DNAJA3: variants seen among roughly 807,000 people sequenced by gnomAD.
The protein encoded by DNAJA3 is dnaJ homolog subfamily A member 3, mitochondrial.
A neutral mutation model predicts 54.9 loss-of-function variants in DNAJA3; 29 were observed. The ratio of observed to expected loss-of-function variants is 0.53; its 90% CI spans 0.39 to 0.72. DNAJA3 has a LOEUF of 0.72. Ranked by LOEUF, DNAJA3 falls within the 30% of genes least tolerant of loss-of-function variation. DNAJA3 has a pLI of 0.00. For synonymous variants in DNAJA3, 302 were observed against 251.4 expected (o/e 1.20, Z -1.90); for missense variants, 708 against 639.4 (o/e 1.11, Z -1.16).
chr16:4,450,246 C>A, intron 9 of DNAJA3, 154 bp from the exon 10 acceptor site: 1 of 587,970 alleles, frequency 1.7e-6, no homozygotes, highest in East Asian at 2.8e-5. Flanking sequence ...GGGCATGGTC[C>A]TTAGGTTCTC....
At chr16:4,441,611 A>T (rs965202885) in intron 4 of DNAJA3, 36 bp downstream of exon 4, 29 of 1,608,136 alleles carry the variant, frequency 1.8e-5, no homozygotes, top group Non-Finnish European at 2.5e-5. Flanking sequence ...TTCAAATTTT[A>T]GACTAAGTAT....
chr16:4,454,668 T>C (rs1211711491), intron 10 of DNAJA3, 143 bp from the exon 11 acceptor site: 16 of 614,740 alleles, frequency 2.6e-5, no homozygotes, highest in Non-Finnish European at 4.3e-5. Flanking sequence ...ATCTTAGGAG[T>C]GGCCCCCACT....
intron 8 of DNAJA3, 76 bp downstream of exon 8, chr16:4,447,090 G>T: frequency 1.3e-6 from 2 of 1,544,540 alleles, no homozygotes; most frequent in African/African-American, 1.4e-5. Context: ...GAACTGACCA[G>T]TGGCCTGGAA....
At chr16:4,452,067 C>G (rs1017995388) in intron 10 of DNAJA3, among the ~76,000 whole-genome samples, 1 of 151,996 alleles carries the variant, frequency 6.6e-6, no homozygotes, top group Non-Finnish European at 1.5e-5. Flanking sequence ...GAGACTCTGT[C>G]TCAAAAAAAC....
At chr16:4,430,020 C>G (rs575141510) in intron 1 of DNAJA3, among the ~76,000 whole-genome samples, 64 of 151,434 alleles carry the variant, frequency 4.2e-4, no homozygotes, top group African/African-American at 1.5e-3. Flanking sequence ...ATAAAGTCAT[C>G]AACTGAGAAG....
chr16:4,434,038 A>T (rs1484464220), intron 1 of DNAJA3: 1 of 281,312 alleles, frequency 3.6e-6, no homozygotes, highest in Non-Finnish European at 6.8e-6. Flanking sequence ...GGCCTCAGCG[A>T]TCGTGGCGGA....
At chr16:4,442,596 T>G in intron 5 of DNAJA3, 176 bp downstream of exon 5, 1 of 719,106 alleles carries the variant, frequency 1.4e-6, no homozygotes, top group Non-Finnish European at 2.1e-6. Context: ...CTTTCCCTGA[T>G]ACCACAGGCT....
rs973533105 is a variant in DNAJA3, at chr16:4,426,070, G to A, written c.189G>A (p.Leu63=). ...TSCGPRALLT[L]RPGVSLTGTK... ...GCGGCCCCCGAGCGCTGCTGACATT[G>A]AGACCTGGTGTCAGCCTTACAGGTG... Residue 63 remains leucine, a synonymous_variant, in exon 1 of 12, where the codon TTG becomes TTA. Coordinates refer to ENST00000262375, the MANE Select transcript of DNAJA3 (RefSeq NM_005147.6). The A allele has an allele frequency of 1.0e-5, 16 of 1,600,170 alleles. No homozygotes were observed. The highest frequency in any genetic ancestry group is 1.1e-5 in the Non-Finnish European group (13 of 1,173,816).
rs955089910 is a variant in DNAJA3 at position 4,455,396 on chromosome 16, C to T, written c.*14-150C>T. The T allele has an allele frequency of 8.1e-5, 67 of 830,506 alleles. 2 individuals carry two copies. In the South Asian group the frequency reaches 9.3e-4, roughly 12 times the overall value. The allele number at this position is 830,506 out of a possible 1,614,324, so 51.4% of individuals were successfully genotyped here. On this transcript the variant is annotated intron_variant, in intron 11 of 11. Coordinates refer to ENST00000262375, the MANE Select transcript of DNAJA3 (RefSeq NM_005147.6). ...CTTGCTCGCCGTGTCATCTTGGGAC[C>T]CACTTTGGTTTATTATGCTCATCTC...
intron 10 of DNAJA3, among the ~76,000 whole-genome samples, chr16:4,454,536 T>C (rs973229660): frequency 6.6e-6 from 1 of 152,248 alleles, no homozygotes; most frequent in African/African-American, 2.4e-5. Context: ...ACAGCTGTCA[T>C]AGTCCGTCTC....
intron 1 of DNAJA3, among the ~76,000 whole-genome samples, chr16:4,431,367 T>C (rs2141370380): frequency 6.6e-6 from 1 of 152,352 alleles, no homozygotes; most frequent in East Asian, 1.9e-4. Flanking sequence ...CCCCTACTAC[T>C]TCCAGTGTGC....
intron 8 of DNAJA3, chr16:4,447,237 C>G: frequency 3.6e-6 from 2 of 553,518 alleles, no homozygotes; most frequent in Non-Finnish European, 6.4e-6. Context: ...GCTGGCATCA[C>G]TCCCACACTG....
Position 4,442,448 on chromosome 16 carries a change from C to G in DNAJA3, c.783+28C>G, listed in dbSNP as rs751071079. The G allele has an allele frequency of 1.9e-6, 3 of 1,554,354 alleles. No individual in the cohort carries two copies. In the Admixed American group the frequency reaches 5.7e-5, roughly 29 times the overall value. On this transcript the variant is annotated intron_variant, in intron 5 of 11. Coordinates refer to ENST00000262375, the MANE Select transcript of DNAJA3 (RefSeq NM_005147.6). ...AAGGCTCTGCCCGAGACTCCACCTC[C>G]CACGGCTTGCACCACTGACTGAGAA...
At chr16:4,443,383 C>A (rs1362369824) in intron 6 of DNAJA3, among the ~76,000 whole-genome samples, 1 of 152,084 alleles carries the variant, frequency 6.6e-6, no homozygotes, top group African/African-American at 2.4e-5. Flanking sequence ...TTAAAATTTA[C>A]ACTTTGCATG....
In DNAJA3 at chr16:4,436,073, A is replaced by G. The variant is rs373150032; in HGVS notation, c.346-1329A>G. Among the ~76,000 whole-genome samples, 324 of 152,330 alleles carry G rather than the reference A, an allele frequency of 2.1e-3. 1 individual carries two copies. Among genetic ancestry groups the G allele is most frequent in the African/African-American group, 7.5e-3 (311 of 41,566 alleles). On this transcript the variant is annotated intron_variant, in intron 2 of 11. Coordinates refer to ENST00000262375, the MANE Select transcript of DNAJA3 (RefSeq NM_005147.6). ...TCGATTTGCTTTTTCCCTGATGACT[A>G]ATGATGGTGAGCATCTTTCTTGTGC...
At chr16:4,435,072 G>A (rs1382056604) in intron 2 of DNAJA3, among the ~76,000 whole-genome samples, 1 of 151,406 alleles carries the variant, frequency 6.6e-6, no homozygotes, top group African/African-American at 2.4e-5. Context: ...AATTTTTTTT[G>A]TATTTTTAGT....
chr16:4,436,042 A>T (rs1398100018), intron 2 of DNAJA3, among the ~76,000 whole-genome samples: 1 of 152,212 alleles, frequency 6.6e-6, no homozygotes, highest in Non-Finnish European at 1.5e-5. Flanking sequence ...CTATCTCGTT[A>T]GAGTTTCGAT....
At chr16:4,426,878 C>T (rs1772606588) in intron 1 of DNAJA3, 1 of 152,100 alleles carries the variant, frequency 6.6e-6, no homozygotes, top group Non-Finnish European at 1.5e-5. Flanking sequence ...CTGAATTATA[C>T]ATTAAGCCTT....
chr16:4,442,939 C>T lies in DNAJA3; in HGVS notation c.784-78C>T, dbSNP rs146765857. On this transcript the variant is annotated intron_variant, in intron 5 of 11. Transcript: ENST00000262375. ...AAACAAGCCTTAAAGAGACATTTTT[C>T]TTACGCACATTGTGGTCCCAGAACC... 4.0e-6 allele frequency: 6 copies of T among 1,514,004 alleles called. No homozygotes were observed. In the African/African-American group the frequency reaches 5.5e-5, roughly 14 times the overall value. The allele number at this position is 1,514,004 out of a possible 1,614,324, so 93.8% of individuals were successfully genotyped here. A position where few individuals can be genotyped will look rare whatever the true frequency, so the allele number is the denominator to read the frequency against.
Sources: gnomAD v4.1 joint callset for allele counts (sites outside exome capture counted in the v4.1 genomes callset) on GRCh38, gnomAD v4.1.1 for gene constraint, MANE v1.5 for transcripts, NCBI Gene and HGNC (gene_info 2026-07-23, HGNC 2026-07-21) for gene names.